The following MARCHF1 variants were observed in gnomAD, a reference collection of about 807,000 sequenced individuals.
MARCHF1 encodes the protein E3 ubiquitin-protein ligase MARCHF1.
In MARCHF1, 40 loss-of-function variants were observed where a neutral mutation model predicts 54.2. The ratio of observed to expected loss-of-function variants is 0.74; its 90% CI spans 0.57 to 0.96. MARCHF1 has a LOEUF of 0.96. MARCHF1 is among the 40% of genes least tolerant of loss of function. MARCHF1 has a pLI of 0.00. For missense variants in MARCHF1, 586 were observed against 656.5 expected (o/e 0.89, Z 1.17); for synonymous variants, 236 against 236.3 (o/e 1.00, Z 0.01).
chr4:163,784,113 A>C (rs1306556592), intron 4 of MARCHF1, among the ~76,000 whole-genome samples: 1 of 151,980 alleles, frequency 6.6e-6, no homozygotes, highest in East Asian at 1.9e-4. Context: ...ATGATTGATG[A>C]AAATATGATT....
chr4:164,176,492 C>T (rs1730666427), intron 1 of MARCHF1, among the ~76,000 whole-genome samples: 1 of 152,072 alleles, frequency 6.6e-6, no homozygotes, highest in South Asian at 2.1e-4. Context: ...CTTCAGGTAA[C>T]ACCAAACCCC....
chr4:164,293,961 T>A (rs976276202), intron 1 of MARCHF1, among the ~76,000 whole-genome samples: 1 of 152,224 alleles, frequency 6.6e-6, no homozygotes, highest in African/African-American at 2.4e-5. Context: ...CCACCCTTAA[T>A]CTGGGTGGTC....
chr4:163,856,792 C>G (rs931666350), intron 3 of MARCHF1, among the ~76,000 whole-genome samples: 2 of 152,104 alleles, frequency 1.3e-5, no homozygotes, highest in African/African-American at 2.4e-5. Context: ...GGGAGGATCA[C>G]TTGAGCTCAG....
rs1484562090 is a variant in MARCHF1 at position 163,528,681 on chromosome 4, T to G, written c.*67A>C. 2 of 1,466,012 alleles carry G rather than the reference T, an allele frequency of 1.4e-6. No homozygotes were observed. The highest frequency in any genetic ancestry group is 4.1e-5 in the Admixed American group (2 of 49,172). 90.8% of individuals were successfully genotyped at this position (1,466,012 alleles called of 1,614,324 possible). ...AGGGAGTAAATAATTCAAGATCACT[T>G]CTGTCATTTGTAGTGGCTGAGGGCT... On this transcript the variant is annotated 3_prime_UTR_variant, in exon 10 of 10. Transcript: ENST00000514618.
intron 1 of MARCHF1, among the ~76,000 whole-genome samples, chr4:164,217,561 T>C (rs1388583535): frequency 6.6e-6 from 1 of 152,146 alleles, no homozygotes; most frequent in African/African-American, 2.4e-5. Context: ...ATGACATAAA[T>C]AAAGGCCATG....
At chr4:163,925,409 T>C (rs1354298568) in intron 3 of MARCHF1, among the ~76,000 whole-genome samples, 1 of 151,854 alleles carries the variant, frequency 6.6e-6, no homozygotes, top group Non-Finnish European at 1.5e-5. Flanking sequence ...AAATGCTCTC[T>C]ACTTAGTGTC....
intron 1 of MARCHF1, among the ~76,000 whole-genome samples, chr4:164,201,441 C>T (rs1406605421): frequency 1.3e-5 from 2 of 152,098 alleles, no homozygotes; most frequent in Non-Finnish European, 2.9e-5. Flanking sequence ...ATGATGGTCT[C>T]CATCTCTTGA....
intron 1 of MARCHF1, among the ~76,000 whole-genome samples, chr4:164,141,881 G>T (rs1013442307): frequency 6.6e-6 from 1 of 152,158 alleles, no homozygotes; most frequent in Non-Finnish European, 1.5e-5. Flanking sequence ...GCAGAAGACC[G>T]GTGATTTCTG....
Position 163,528,887 on chromosome 4 carries a change from G to T in MARCHF1, c.1499C>A (p.Thr500Asn), listed in dbSNP as rs751714952. 2.8e-5 allele frequency: 45 copies of T among 1,613,210 alleles called. No individual in the cohort carries two copies. Among genetic ancestry groups the T allele is most frequent in the Non-Finnish European group, 3.5e-5 (41 of 1,179,572 alleles). Residue 500 changes from threonine (T) to asparagine (N), a missense_variant, in exon 10 of 10, where the codon ACT becomes AAT. Thr to Asn is a moderately conservative substitution (Grantham distance 65). Coordinates refer to ENST00000514618, the MANE Select transcript of MARCHF1 (RefSeq NM_001394959.1). ...GAAGTTCTTCTCCAGTTTTTTGGCA[G>T]TGTCTGGGCAATTTTGTACAAAGAT... is the stretch of plus-strand genomic sequence containing the variant. ...RVIFVQNCPD[T>N]AKKLEKNFSC...
At chr4:163,589,907 A>G (rs1208711022) in intron 7 of MARCHF1, among the ~76,000 whole-genome samples, 1 of 152,088 alleles carries the variant, frequency 6.6e-6, no homozygotes, top group Non-Finnish European at 1.5e-5. Flanking sequence ...CTGGCATTTT[A>G]GTATTTTACC....
chr4:164,114,657 A>G (rs1755903591), intron 1 of MARCHF1, among the ~76,000 whole-genome samples: 1 of 151,884 alleles, frequency 6.6e-6, no homozygotes, highest in South Asian at 2.1e-4. Context: ...AAGATTTACA[A>G]TGAAATAATC....
At chr4:164,359,042 A>G (rs779053951) in intron 1 of MARCHF1, among the ~76,000 whole-genome samples, 7 of 152,146 alleles carry the variant, frequency 4.6e-5, no homozygotes, top group Non-Finnish European at 1.0e-4. Context: ...CTGACAAATT[A>G]CAAAAACAAA....
chr4:164,024,464 C>T (rs192380591), intron 2 of MARCHF1, among the ~76,000 whole-genome samples: 1 of 152,174 alleles, frequency 6.6e-6, no homozygotes, highest in Non-Finnish European at 1.5e-5. Context: ...AAATTACAGC[C>T]AAGAATTTCA....
chr4:164,272,823 G>A (rs1733775441), intron 1 of MARCHF1, among the ~76,000 whole-genome samples: 1 of 150,936 alleles, frequency 6.6e-6, no homozygotes, highest in Non-Finnish European at 1.5e-5. Flanking sequence ...ATAAAAATGA[G>A]AAAATAAAAA....
intron 2 of MARCHF1, among the ~76,000 whole-genome samples, chr4:164,035,590 T>C (rs1753974911): frequency 6.7e-6 from 1 of 148,940 alleles, no homozygotes; most frequent in Non-Finnish European, 1.5e-5. Context: ...GGGAAGAAAA[T>C]ATTTGTATTT....
intron 3 of MARCHF1, among the ~76,000 whole-genome samples, chr4:163,901,008 A>G (rs1198976794): frequency 1.3e-5 from 2 of 152,204 alleles, no homozygotes; most frequent in African/African-American, 4.8e-5. Flanking sequence ...ACTAGACACC[A>G]CATTGCTACA....
At chr4:164,206,959 T>C (rs1284554978) in intron 1 of MARCHF1, among the ~76,000 whole-genome samples, 1 of 152,124 alleles carries the variant, frequency 6.6e-6, no homozygotes, top group Non-Finnish European at 1.5e-5. Flanking sequence ...AATTTTATCA[T>C]TAAAATTTAC....
chr4:163,604,760 G>A (rs1314908771), intron 7 of MARCHF1, among the ~76,000 whole-genome samples: 1 of 151,984 alleles, frequency 6.6e-6, no homozygotes, highest in East Asian at 1.9e-4. Context: ...TGAAATCCTT[G>A]TATACCATAT....
At chr4:163,967,641 A>G (rs1199358291) in intron 3 of MARCHF1, among the ~76,000 whole-genome samples, 1 of 152,178 alleles carries the variant, frequency 6.6e-6, no homozygotes, top group East Asian at 1.9e-4. Context: ...TCTCCAGAGC[A>G]ACAGAAATAA....
Sources: allele counts gnomAD v4.1 joint callset (sites outside exome capture counted in the v4.1 genomes callset), GRCh38; gene constraint gnomAD v4.1.1; transcripts MANE v1.5; gene names NCBI Gene and HGNC (gene_info 2026-07-23, HGNC 2026-07-21).